PLXDC2: variants seen among roughly 807,000 people sequenced by gnomAD.
The protein encoded by PLXDC2 is plexin domain containing 2, also known as plexin domain-containing protein 2.
Under a neutral mutation model 68.9 loss-of-function variants are expected in PLXDC2, and 40 were observed. The ratio of observed to expected loss-of-function variants is 0.58; its 90% CI spans 0.45 to 0.76. The LOEUF (loss-of-function observed/expected upper bound fraction) is 0.76, where lower values mean the gene tolerates loss of function less well. PLXDC2 is among the 30% of genes least tolerant of loss of function. The pLI, the probability that PLXDC2 is intolerant of heterozygous loss-of-function variation, is 0.00. For synonymous variants in PLXDC2, 243 were observed against 234.2 expected (o/e 1.04, Z -0.34); for missense variants, 644 against 661.9 (o/e 0.97, Z 0.30).
At chr10:19,909,221 T>A (rs988175714) in intron 1 of PLXDC2, among the ~76,000 whole-genome samples, 3 of 152,190 alleles carry the variant, frequency 2.0e-5, no homozygotes, top group Non-Finnish European at 4.4e-5. Context: ...TCAGGGATGT[T>A]GGTAAATATT....
intron 1 of PLXDC2, among the ~76,000 whole-genome samples, chr10:19,900,578 T>A (rs893790551): frequency 6.6e-6 from 1 of 152,104 alleles, no homozygotes; most frequent in African/African-American, 2.4e-5. Flanking sequence ...TGCCTTATGG[T>A]TTTCTGTGTT....
intron 12 of PLXDC2, among the ~76,000 whole-genome samples, chr10:20,243,013 C>T (rs1035447709): frequency 3.3e-5 from 5 of 152,130 alleles, no homozygotes; most frequent in Admixed American, 6.5e-5. Flanking sequence ...CGCCTGGCTC[C>T]AATGTTAATT....
At chr10:20,156,249 T>G (rs2131806284) in intron 6 of PLXDC2, among the ~76,000 whole-genome samples, 1 of 152,322 alleles carries the variant, frequency 6.6e-6, no homozygotes, top group African/African-American at 2.4e-5. Flanking sequence ...CTGTCTTTTG[T>G]GTGAAGTTCA....
At chr10:20,055,448 T>C (rs1357251291) in intron 3 of PLXDC2, among the ~76,000 whole-genome samples, 1 of 152,146 alleles carries the variant, frequency 6.6e-6, no homozygotes, top group Non-Finnish European at 1.5e-5. Context: ...TGATAAGTGC[T>C]CATTTTTCAA....
intron 6 of PLXDC2, among the ~76,000 whole-genome samples, chr10:20,154,744 G>C (rs1364461734): frequency 1.3e-5 from 2 of 151,848 alleles, no homozygotes; most frequent in African/African-American, 4.8e-5. Flanking sequence ...ACAAACTATA[G>C]GTGGATGTGA....
At position 19,993,289 on chromosome 10, in the gene PLXDC2, A is replaced by T. The variant is rs963113729; in HGVS notation, c.113-8486A>T. Among the ~76,000 whole-genome samples, 3 of 148,214 alleles carry T rather than the reference A, an allele frequency of 2.0e-5. No individual in the cohort carries two copies. The Admixed American group carries it at 2.0e-4, about 10-fold the overall frequency. On this transcript the variant is annotated intron_variant, in intron 1 of 13. Transcript: ENST00000377252. ...TGGCTCATTAGGCTTGGCATACTTTATATTTTCCATAGGATAGTATATCAT... is the reference window on the plus strand; with the variant it reads ...TGGCTCATTAGGCTTGGCATACTTTTTATTTTCCATAGGATAGTATATCAT...
rs192607639 is a variant in PLXDC2 at position 20,178,663 on chromosome 10, T to G, written c.1061+1254T>G. On this transcript the variant is annotated intron_variant, in intron 9 of 13. Coordinates refer to ENST00000377252, the MANE Select transcript of PLXDC2 (RefSeq NM_032812.9). ...ATAAAGACATGCTCCAGGAATACTT[T>G]AAAACTTATTGAAGAATGCAAAAAT... is the stretch of plus-strand genomic sequence containing the variant. 2.3e-3 allele frequency among the ~76,000 whole-genome samples: 354 copies of G among 152,268 alleles called. 1 individual carries two copies. Among genetic ancestry groups the G allele is most frequent in the Non-Finnish European group, 3.5e-3 (238 of 68,012 alleles).
chr10:20,037,917 C>A (rs555208974), intron 2 of PLXDC2, among the ~76,000 whole-genome samples: 83 of 152,310 alleles, frequency 5.4e-4, no homozygotes, highest in African/African-American at 1.9e-3. Context: ...CACACATACA[C>A]ACACCCCACT....
At chr10:19,916,994 G>A (rs915932461) in intron 1 of PLXDC2, among the ~76,000 whole-genome samples, 4 of 152,180 alleles carry the variant, frequency 2.6e-5, no homozygotes, top group African/African-American at 7.2e-5. Flanking sequence ...ATTATGAAAA[G>A]AGTTTGAAGA....
intron 2 of PLXDC2, among the ~76,000 whole-genome samples, chr10:20,016,151 C>G (rs1193497493): frequency 6.6e-6 from 1 of 152,208 alleles, no homozygotes; most frequent in Non-Finnish European, 1.5e-5. Context: ...GAAAATCTAA[C>G]TGAGATTGGA....
intron 4 of PLXDC2, among the ~76,000 whole-genome samples, chr10:20,126,876 A>G (rs1833799362): frequency 6.8e-6 from 1 of 147,720 alleles, no homozygotes; most frequent in African/African-American, 2.5e-5. Context: ...TATATATAAT[A>G]TATGATATAT....
At chr10:20,271,148 C>T (rs1259996842) in intron 13 of PLXDC2, among the ~76,000 whole-genome samples, 1 of 151,802 alleles carries the variant, frequency 6.6e-6, no homozygotes, top group Admixed American at 6.6e-5. Flanking sequence ...CACACACACA[C>T]ACACACACAC....
At chr10:20,199,949 T>C (rs964068905) in intron 9 of PLXDC2, among the ~76,000 whole-genome samples, 1 of 151,886 alleles carries the variant, frequency 6.6e-6, no homozygotes, top group Non-Finnish European at 1.5e-5. Flanking sequence ...TATTCCAAAA[T>C]AAATTTAAAA....
At chr10:20,089,695 T>C (rs1490973649) in intron 4 of PLXDC2, among the ~76,000 whole-genome samples, 1 of 152,062 alleles carries the variant, frequency 6.6e-6, no homozygotes, top group Non-Finnish European at 1.5e-5. Context: ...AAAACAGTGG[T>C]GCGTAAATTG....
At chr10:20,222,574 T>C (rs1026897022) in intron 12 of PLXDC2, among the ~76,000 whole-genome samples, 2 of 152,100 alleles carry the variant, frequency 1.3e-5, no homozygotes, top group Admixed American at 1.3e-4. Flanking sequence ...CTCTAAATAA[T>C]CTGGAAAAAG....
intron 4 of PLXDC2, among the ~76,000 whole-genome samples, chr10:20,105,251 G>A (rs569553861): frequency 5.9e-5 from 9 of 152,144 alleles, no homozygotes; most frequent in South Asian, 4.1e-4. Flanking sequence ...TTCCAGAAAC[G>A]TTTTACATGT....
intron 2 of PLXDC2, among the ~76,000 whole-genome samples, chr10:20,041,612 G>T (rs183188302): frequency 2.6e-3 from 399 of 152,220 alleles, no homozygotes; most frequent in Non-Finnish European, 5.0e-3. Context: ...AACTACGTAT[G>T]CACCTGATCT....
intron 1 of PLXDC2, among the ~76,000 whole-genome samples, chr10:19,969,539 A>C (rs1411549140): frequency 6.6e-6 from 1 of 152,204 alleles, no homozygotes; most frequent in African/African-American, 2.4e-5. Context: ...TGGGTCTTCT[A>C]CTTCAAAGCT....
intron 9 of PLXDC2, among the ~76,000 whole-genome samples, chr10:20,195,413 C>T (rs1168733076): frequency 6.6e-6 from 1 of 152,154 alleles, no homozygotes; most frequent in African/African-American, 2.4e-5. Flanking sequence ...TACTTTGTCT[C>T]TTAAGCAACG....
Sources: allele counts gnomAD v4.1 joint callset (sites outside exome capture counted in the v4.1 genomes callset), GRCh38; gene constraint gnomAD v4.1.1; transcripts MANE v1.5; gene names NCBI Gene and HGNC (gene_info 2026-07-23, HGNC 2026-07-21).